NPFFR2: variants seen among roughly 807,000 people sequenced by gnomAD.
NPFFR2 encodes the protein G-protein coupled receptor 74.
A neutral mutation model predicts 13.1 loss-of-function variants in NPFFR2; 15 were observed. That is an observed-to-expected ratio of 1.15 (90% CI 0.77 to 1.76). The LOEUF (loss-of-function observed/expected upper bound fraction) is 1.76, where lower values mean the gene tolerates loss of function less well. Ranked by LOEUF, NPFFR2 falls within the 40% of genes most tolerant of loss-of-function variation. NPFFR2 has a pLI of 0.00. For missense variants in NPFFR2, 572 were observed against 503.5 expected, an observed-to-expected ratio of 1.14 and a Z score of -1.30; for synonymous variants, 190 against 175.7, an observed-to-expected ratio of 1.08 and a Z score of -0.65.
chr4:72,116,757 C>T (rs1240015046), intron 1 of NPFFR2, among the ~76,000 whole-genome samples: 2 of 152,078 alleles, frequency 1.3e-5, no homozygotes, highest in Non-Finnish European at 2.9e-5. Flanking sequence ...ATCTTTTGTT[C>T]AGGCATATTT....
At chr4:72,132,830 A>G (rs752475274) in intron 2 of NPFFR2, among the ~76,000 whole-genome samples, 4 of 152,072 alleles carry the variant, frequency 2.6e-5, no homozygotes, top group East Asian at 1.9e-4. Flanking sequence ...TCCTTTGCCC[A>G]CTTTTTAATG....
At chr4:72,075,192 G>T (rs1484322354) in intron 1 of NPFFR2, among the ~76,000 whole-genome samples, 1 of 152,050 alleles carries the variant, frequency 6.6e-6, no homozygotes, top group African/African-American at 2.4e-5. Flanking sequence ...GAAAAGGTGA[G>T]ACTGGCCTGG....
intron 1 of NPFFR2, among the ~76,000 whole-genome samples, chr4:72,093,220 C>G (rs191863436): frequency 6.6e-6 from 1 of 152,092 alleles, no homozygotes; most frequent in South Asian, 2.1e-4. Flanking sequence ...ATAGGTTTTC[C>G]TTTATAGTTT....
chr4:72,116,903 A>G (rs553230756), intron 1 of NPFFR2, among the ~76,000 whole-genome samples: 21 of 151,836 alleles, frequency 1.4e-4, no homozygotes, highest in African/African-American at 4.4e-4. Context: ...TCCCCCTCCT[A>G]TAGACCTAAG....
Position 72,147,592 on chromosome 4 carries a change from T to C in NPFFR2, c.1043T>C (p.Phe348Ser). 1 of 1,614,194 alleles carries C rather than the reference T, an allele frequency of 6.2e-7. No homozygotes were observed. Among genetic ancestry groups the C allele is most frequent in the Non-Finnish European group, 8.5e-7 (1 of 1,180,026 alleles). The stretch of plus-strand genomic sequence containing the variant: ...TTCCGCCGTGGTTTCCAAGAAGCTT[T>C]CCAGCTCCAGCTCTGCCAAAAAAGA... The part of the protein sequence containing the change: ...ENFRRGFQEA[F>S]QLQLCQKRAK... Residue 348 changes from phenylalanine to serine, a missense_variant, in exon 4 of 4, where the codon TTC (phenylalanine) becomes TCC (serine). Transcript: ENST00000308744.
intron 2 of NPFFR2, 60 bp from the exon 3 acceptor site, chr4:72,137,980 C>A: frequency 7.6e-7 from 1 of 1,310,294 alleles, no homozygotes; most frequent in Non-Finnish European, 1.1e-6. Context: ...TTTCTATTTT[C>A]ATTTTCAGTG....
At chr4:72,044,455 G>T (rs1456144852) in intron 1 of NPFFR2, among the ~76,000 whole-genome samples, 3 of 152,136 alleles carry the variant, frequency 2.0e-5, no homozygotes, top group Non-Finnish European at 4.4e-5. Flanking sequence ...TAACAATATA[G>T]ATTCTTTGAA....
chr4:72,143,660 T>C (rs958878235), intron 3 of NPFFR2, among the ~76,000 whole-genome samples: 2 of 152,198 alleles, frequency 1.3e-5, no homozygotes, highest in African/African-American at 4.8e-5. Context: ...AAATTAGCCA[T>C]CACACTTTTG....
chr4:72,134,255 G>T (rs1158462987), intron 2 of NPFFR2, among the ~76,000 whole-genome samples: 1 of 152,096 alleles, frequency 6.6e-6, no homozygotes, highest in African/African-American at 2.4e-5. Context: ...CAGAGAGAGA[G>T]ACTGTCTCCA....
chr4:72,054,594 A>T (rs1402364582), intron 1 of NPFFR2, among the ~76,000 whole-genome samples: 1 of 151,936 alleles, frequency 6.6e-6, no homozygotes, highest in Non-Finnish European at 1.5e-5. Context: ...ATAACACAAG[A>T]ATCACAAACC....
Position 72,093,031 on chromosome 4 carries a change from T to C in NPFFR2, c.-7-35554T>C, listed in dbSNP as rs540290737. Among the ~76,000 whole-genome samples the C allele has an allele frequency of 2.0e-5, 3 of 152,316 alleles. No individual in the cohort carries two copies. In the East Asian group the frequency reaches 5.8e-4, roughly 29 times the overall value. Reference sequence around the variant, plus strand: ...ATTTTTTATAGTTCTTGTTTGGTAGTGGTAAATTCTCTCAGCATTGTTTAT... The same window carrying C: ...ATTTTTTATAGTTCTTGTTTGGTAGCGGTAAATTCTCTCAGCATTGTTTAT... On this transcript the variant is annotated intron_variant, in intron 1 of 3. Transcript: ENST00000308744.
intron 2 of NPFFR2, among the ~76,000 whole-genome samples, chr4:72,132,497 C>A (rs905387960): frequency 6.6e-6 from 1 of 152,140 alleles, no homozygotes; most frequent in African/African-American, 2.4e-5. Flanking sequence ...AATTTATATT[C>A]CTCTGGGTAT....
Position 72,146,977 on chromosome 4 carries a change from G to C in NPFFR2, c.429-1G>C. ...TCATTTATATTTGTGTTTAATTGCA[G>C]GTTCCAGTGTGTGGTCTACCCTTTT... On this transcript the variant is annotated splice_acceptor_variant, in intron 3 of 3. Transcript: ENST00000308744. LOFTEE classifies it high-confidence loss of function. 1 of 1,596,096 alleles carries C rather than the reference G, an allele frequency of 6.3e-7. No individual in the cohort carries two copies. The highest frequency in any genetic ancestry group is 8.6e-7 in the Non-Finnish European group (1 of 1,167,510).
intron 2 of NPFFR2, among the ~76,000 whole-genome samples, chr4:72,130,048 C>T (rs1722186092): frequency 6.9e-6 from 1 of 145,712 alleles, no homozygotes; most frequent in Non-Finnish European, 1.5e-5. Flanking sequence ...TTTCAGAGAG[C>T]ACGGGGTTGG....
chr4:72,035,945 G>A lies in NPFFR2; in HGVS notation c.-8+3745G>A, dbSNP rs147679627. ...TGCCTTTTTCTAGTCCTTCAAACAA[G>A]TCTCAGTTGATCCATATTTTCAGAA... is the stretch of plus-strand genomic sequence containing the variant. On this transcript the variant is annotated intron_variant, in intron 1 of 3. Coordinates refer to ENST00000308744, the MANE Select transcript of NPFFR2 (RefSeq NM_004885.3). 5.7e-3 allele frequency among the ~76,000 whole-genome samples: 863 copies of A among 152,142 alleles called. 7 individuals carry two copies. The highest frequency in any genetic ancestry group is 0.02 in the African/African-American group (817 of 41,530).
At position 72,072,643 on chromosome 4, in the gene NPFFR2, A is replaced by G. The variant is rs2109785343; in HGVS notation, c.-8+40443A>G. ...GGGGAAGAGAAGGAGGAAGAGGAAG[A>G]GAGAATATTTGAAGAAATCATGGCT... On this transcript the variant is annotated intron_variant, in intron 1 of 3. Transcript: ENST00000308744. Among the ~76,000 whole-genome samples, 2 of 152,282 alleles carry G rather than the reference A, an allele frequency of 1.3e-5. 1 individual carries two copies. Among genetic ancestry groups the G allele is most frequent in the South Asian group, 4.1e-4 (2 of 4,826 alleles).
In NPFFR2 at chr4:72,147,771, A is replaced by T; in HGVS notation, c.1222A>T (p.Met408Leu). ...SAEKPQQELV[M>L]EELKETTNSS... ...TGAAAAACCCCAACAGGAATTAGTG[A>T]TGGAAGAATTAAAAGAAACTACTAA... is the stretch of plus-strand genomic sequence containing the variant. The change falls in exon 4 of 4, where the codon ATG becomes TTG. Residue 408 changes from methionine (M) to leucine (L), a missense_variant. Coordinates refer to ENST00000308744, the MANE Select transcript of NPFFR2 (RefSeq NM_004885.3). The T allele has an allele frequency of 6.3e-7, 1 of 1,586,954 alleles. No homozygotes were observed. The highest frequency in any genetic ancestry group is 8.5e-7 in the Non-Finnish European group (1 of 1,173,182).
chr4:72,120,886 G>C (rs1169220433), intron 1 of NPFFR2, among the ~76,000 whole-genome samples: 1 of 152,100 alleles, frequency 6.6e-6, no homozygotes, highest in Non-Finnish European at 1.5e-5. Context: ...AACAAAACTG[G>C]ATGGAGAATG....
At chr4:72,144,386 C>G (rs1034133655) in intron 3 of NPFFR2, among the ~76,000 whole-genome samples, 1 of 152,108 alleles carries the variant, frequency 6.6e-6, no homozygotes, top group Non-Finnish European at 1.5e-5. Flanking sequence ...ACTGAGTCAT[C>G]AATCCTTAGC....
Sources: allele counts gnomAD v4.1 joint callset (sites outside exome capture counted in the v4.1 genomes callset), GRCh38; gene constraint gnomAD v4.1.1; transcripts MANE v1.5; gene names NCBI Gene and HGNC (gene_info 2026-07-23, HGNC 2026-07-21).